The following TRAPPC9 variants were observed in gnomAD, a reference collection of about 807,000 sequenced individuals.
TRAPPC9 encodes the protein trafficking protein particle complex subunit 9.
In TRAPPC9, 83 loss-of-function variants were observed where a neutral mutation model predicts 124.0. The ratio of observed to expected loss-of-function variants is 0.67; its 90% CI spans 0.56 to 0.80. The LOEUF is 0.80. Among genes scored for constraint, TRAPPC9 ranks in the 30% least tolerant of loss-of-function variants. The probability of loss-of-function intolerance (pLI) is 0.00; values close to 1 mark genes in which losing one functional copy is unlikely to be tolerated. For synonymous variants in TRAPPC9, 638 were observed against 617.5 expected (o/e 1.03, Z -0.49); for missense variants, 1,302 against 1,508.3 (o/e 0.86, Z 2.27).
chr8:140,045,571 G>A (rs72685261), intron 17 of TRAPPC9, among the ~76,000 whole-genome samples: 38 of 134,880 alleles, frequency 2.8e-4, no homozygotes, highest in Non-Finnish European at 4.8e-4. Context: ...AGGTTGTAGC[G>A]ACCTGAGATC....
intron 18 of TRAPPC9, among the ~76,000 whole-genome samples, chr8:140,008,211 G>C (rs1053226229): frequency 6.6e-6 from 1 of 152,214 alleles, no homozygotes; most frequent in African/African-American, 2.4e-5. Context: ...CCAACAAGAG[G>C]GTCTATGAAT....
chr8:140,010,923 A>G (rs1449153450), intron 18 of TRAPPC9, among the ~76,000 whole-genome samples: 1 of 152,190 alleles, frequency 6.6e-6, no homozygotes, highest in Non-Finnish European at 1.5e-5. Context: ...TATCTATCGG[A>G]CAGAAGGGCA....
chr8:139,909,544 G>A (rs773950771), intron 20 of TRAPPC9, among the ~76,000 whole-genome samples: 1 of 152,218 alleles, frequency 6.6e-6, no homozygotes, highest in African/African-American at 2.4e-5. Context: ...TCAAAAGTAG[G>A]TGCTCTCCAA....
chr8:140,451,301 T>C lies in TRAPPC9; in HGVS notation c.73A>G (p.Ile25Val), dbSNP rs571468082. ...CTGAAGAAGTTCTCCTCGGAGACGA[T>C]GCCCACAGGCTGGACCACCACGAGC... ...TLLVVVQPVGIVSEENFFRIY... is the reference protein window; with the variant it reads ...TLLVVVQPVGVVSEENFFRIY... The change falls in exon 2 of 23, where the codon ATC (isoleucine) becomes GTC (valine). Residue 25 changes from isoleucine to valine, a missense_variant. Physicochemically the swap from Ile to Val is conservative, Grantham distance 29 (BLOSUM62 3). This residue lies in a region of TRAPPC9 where 657 missense variants were observed against 811.2 expected (regional missense o/e 0.81). Transcript: ENST00000438773. 161 of 1,609,366 alleles carry C rather than the reference T, an allele frequency of 1.0e-4. 1 individual carries two copies. The South Asian group carries it at 1.7e-3, about 17-fold the overall frequency.
intron 21 of TRAPPC9, among the ~76,000 whole-genome samples, chr8:139,753,932 T>C (rs10112809): frequency 0.2 from 29,895 of 152,244 alleles, 3,548 homozygotes; most frequent in African/African-American, 0.33. Context: ...ACCCCCATCA[T>C]GGTTGTTTGT....
Position 140,304,114 on chromosome 8 carries a change from G to A in TRAPPC9, c.1623-3500C>T, listed in dbSNP as rs550524068. 6.9e-5 allele frequency among the ~76,000 whole-genome samples: 10 copies of A among 145,248 alleles called. No individual in the cohort carries two copies. In the East Asian group the frequency reaches 1.4e-3, roughly 20 times the overall value. On this transcript the variant is annotated intron_variant, in intron 10 of 22. Coordinates refer to ENST00000438773, the MANE Select transcript of TRAPPC9 (RefSeq NM_001160372.4). The stretch of plus-strand genomic sequence containing the variant: ...CTTAATTTTTTTTTTTTTTTTTTGA[G>A]ACAGAGTCTCGCTCTTGTCGCCCAG...
intron 21 of TRAPPC9, among the ~76,000 whole-genome samples, chr8:139,743,103 A>G (rs1818666306): frequency 6.6e-6 from 1 of 152,170 alleles, no homozygotes; most frequent in African/African-American, 2.4e-5. Context: ...TGGTTGAAGG[A>G]AACAGGTAAA....
rs572728689 is a variant in TRAPPC9 at position 140,166,775 on chromosome 8, G to C, written c.2556+54684C>G. Among the ~76,000 whole-genome samples the C allele has an allele frequency of 1.3e-3, 204 of 152,280 alleles. 1 individual carries two copies. The highest frequency in any genetic ancestry group is 2.4e-3 in the Admixed American group (37 of 15,294). The stretch of plus-strand genomic sequence containing the variant: ...TAGAGCTTAGCCAACTTGCCTATCC[G>C]TCTTTTTCTTCCAAATGTGTATACA... On this transcript the variant is annotated intron_variant, in intron 17 of 22. Transcript: ENST00000438773.
chr8:139,955,899 C>T (rs1256281614), intron 19 of TRAPPC9, among the ~76,000 whole-genome samples: 3 of 152,214 alleles, frequency 2.0e-5, no homozygotes, highest in African/African-American at 7.2e-5. Flanking sequence ...TGCCTTGCTG[C>T]CATCCAGCAT....
At chr8:139,935,010 C>T (rs143794223) in intron 19 of TRAPPC9, among the ~76,000 whole-genome samples, 93 of 152,296 alleles carry the variant, frequency 6.1e-4, no homozygotes, top group African/African-American at 1.9e-3. Context: ...GTACATCACA[C>T]GGAGAAGACA....
At chr8:140,020,114 T>G (rs528792882) in intron 18 of TRAPPC9, among the ~76,000 whole-genome samples, 1 of 152,368 alleles carries the variant, frequency 6.6e-6, no homozygotes, top group East Asian at 1.9e-4. Flanking sequence ...ATTAGTTATT[T>G]GTGTTTCCAC....
At chr8:139,802,875 G>A (rs900160722) in intron 21 of TRAPPC9, among the ~76,000 whole-genome samples, 3 of 152,094 alleles carry the variant, frequency 2.0e-5, no homozygotes, top group African/African-American at 7.2e-5. Flanking sequence ...TGTGTGTGCT[G>A]TTGTATGAGT....
chr8:140,232,223 C>T (rs1401275209), intron 16 of TRAPPC9, among the ~76,000 whole-genome samples: 1 of 152,046 alleles, frequency 6.6e-6, no homozygotes, highest in Non-Finnish European at 1.5e-5. Context: ...CTGGTGTGAG[C>T]CACTGCGCCT....
chr8:139,779,201 T>A (rs530408647), intron 21 of TRAPPC9, among the ~76,000 whole-genome samples: 5 of 152,226 alleles, frequency 3.3e-5, no homozygotes, highest in African/African-American at 1.2e-4. Context: ...ACAACATCTT[T>A]AAGTGCGGGG....
At chr8:139,821,521 CATCA>C (rs1333555625) in intron 21 of TRAPPC9, among the ~76,000 whole-genome samples, 1 of 152,228 alleles carries the variant, frequency 6.6e-6, no homozygotes, top group East Asian at 1.9e-4. Context: ...TCTCCATATG[CATCA>C]ATGTGAGCCT....
intron 15 of TRAPPC9, among the ~76,000 whole-genome samples, chr8:140,258,096 C>T (rs940395346): frequency 6.6e-6 from 1 of 152,226 alleles, no homozygotes; most frequent in African/African-American, 2.4e-5. Context: ...GAAAACTAGA[C>T]ACAAGACAAC....
chr8:140,430,651 T>C (rs1276732241), intron 4 of TRAPPC9, among the ~76,000 whole-genome samples: 1 of 152,168 alleles, frequency 6.6e-6, no homozygotes, highest in Non-Finnish European at 1.5e-5. Context: ...TTGTTTTTTG[T>C]TTTTTAAGAC....
chr8:140,400,003 T>A lies in TRAPPC9; in HGVS notation c.1009-2258A>T, dbSNP rs114101968. 4.1e-3 allele frequency among the ~76,000 whole-genome samples: 620 copies of A among 152,326 alleles called. 4 individuals carry two copies. The highest frequency in any genetic ancestry group is 0.014 in the African/African-American group (598 of 41,564). On this transcript the variant is annotated intron_variant, in intron 6 of 22. Transcript: ENST00000438773. ...AAGTCTCATGAGATCTGTGTTTTTATCAGGAGCTTCCGCTTTGGAGTCCTC... is the reference window on the plus strand; with the variant it reads ...AAGTCTCATGAGATCTGTGTTTTTAACAGGAGCTTCCGCTTTGGAGTCCTC...
chr8:140,125,584 A>ATTTTT (rs1442863537), intron 17 of TRAPPC9, among the ~76,000 whole-genome samples: 6 of 108,266 alleles, frequency 5.5e-5, no homozygotes, highest in African/African-American at 1.9e-4. Flanking sequence ...ATCGAATCTC[A>ATTTTT]TTCTTTTTTT....
Sources: gnomAD v4.1 joint callset for allele counts (sites outside exome capture counted in the v4.1 genomes callset) on GRCh38, gnomAD v4.1.1 for gene constraint, gnomAD v4.1.1 regional missense constraint, MANE v1.5 for transcripts, NCBI Gene and HGNC (gene_info 2026-07-23, HGNC 2026-07-21) for gene names.